The following SAMD12 variants were observed in gnomAD, a reference collection of about 807,000 sequenced individuals.
The protein encoded by SAMD12 is sterile alpha motif domain-containing protein 12.
SAMD12 carries 9 observed loss-of-function variants against 15.0 expected under a neutral mutation model. The observed-to-expected ratio is 0.60, with a 90% CI of 0.36 to 1.05. The LOEUF is 1.05. Among genes scored for constraint, SAMD12 ranks in the 50% least tolerant of loss-of-function variants. The pLI is 0.01. For missense variants in SAMD12, 230 were observed against 234.2 expected (o/e 0.98, Z 0.12); for synonymous variants, 86 against 90.1 (o/e 0.96, Z 0.25).
At chr8:118,368,541 A>G (rs940009911) in intron 4 of SAMD12, among the ~76,000 whole-genome samples, 1 of 152,172 alleles carries the variant, frequency 6.6e-6, no homozygotes, top group East Asian at 1.9e-4. Context: ...TGATGGGTCA[A>G]TAGAAAAAGA....
the SAMD12 span, among the ~76,000 whole-genome samples, chr8:118,172,794 T>C: frequency 6.6e-6 from 1 of 152,240 alleles, no homozygotes; most frequent in South Asian, 2.1e-4. Flanking sequence ...TGACAATTTT[T>C]CTGTATACAA....
At chr8:118,601,088 A>G (rs1322075313) in intron 1 of SAMD12, among the ~76,000 whole-genome samples, 1 of 152,208 alleles carries the variant, frequency 6.6e-6, no homozygotes, top group Non-Finnish European at 1.5e-5. Flanking sequence ...ATACAAAAAG[A>G]AAAAGGCTAG....
chr8:118,223,487 A>G (rs1021440593), intron 4 of SAMD12, among the ~76,000 whole-genome samples: 1 of 152,178 alleles, frequency 6.6e-6, no homozygotes, highest in African/African-American at 2.4e-5. Context: ...GTGGATAGAA[A>G]CAGAACAATT....
At chr8:118,153,408 G>T in the SAMD12 span, among the ~76,000 whole-genome samples, 1 of 151,736 alleles carries the variant, frequency 6.6e-6, no homozygotes, top group African/African-American at 2.4e-5. Flanking sequence ...CAAGGGAAAG[G>T]AAAGTACACT....
chr8:118,485,725 A>G (rs1476800066), intron 2 of SAMD12, among the ~76,000 whole-genome samples: 2 of 152,234 alleles, frequency 1.3e-5, no homozygotes, highest in African/African-American at 2.4e-5. Flanking sequence ...AAGAATAGGG[A>G]ACTAAAAGTA....
downstream of SAMD12, among the ~76,000 whole-genome samples, chr8:118,374,503 G>A (rs59611113): frequency 0.046 from 7,018 of 152,204 alleles, 519 homozygotes; most frequent in African/African-American, 0.16. Flanking sequence ...ACCCAGAAGT[G>A]AGATGGCTGT....
At chr8:118,453,862 TTGG>T (rs1021041554) in intron 2 of SAMD12, among the ~76,000 whole-genome samples, 1 of 152,140 alleles carries the variant, frequency 6.6e-6, no homozygotes, top group Non-Finnish European at 1.5e-5. Flanking sequence ...TCTTGTTTTG[TTGG>T]TATCAATTTT....
At chr8:118,215,129 G>C (rs1388643274) in intron 4 of SAMD12, among the ~76,000 whole-genome samples, 2 of 152,124 alleles carry the variant, frequency 1.3e-5, no homozygotes, top group Non-Finnish European at 2.9e-5. Flanking sequence ...TTAGGCTCTG[G>C]CAATTTTAAT....
chr8:118,212,625 T>C (rs1707777433), intron 4 of SAMD12, among the ~76,000 whole-genome samples: 1 of 152,256 alleles, frequency 6.6e-6, no homozygotes, highest in Admixed American at 6.5e-5. Flanking sequence ...ATACCTCCAA[T>C]GTCAAACATT....
At chr8:118,142,453 A>T in the SAMD12 span, among the ~76,000 whole-genome samples, 3 of 152,128 alleles carry the variant, frequency 2.0e-5, no homozygotes, top group Non-Finnish European at 2.9e-5. Context: ...TCTCCTGTCC[A>T]TCCCTACCAA....
chr8:118,317,205 G>T (rs981854609), intron 4 of SAMD12, among the ~76,000 whole-genome samples: 1 of 152,134 alleles, frequency 6.6e-6, no homozygotes, highest in Non-Finnish European at 1.5e-5. Context: ...ATCAATGTCT[G>T]TTGTTATCCA....
intron 3 of SAMD12, among the ~76,000 whole-genome samples, chr8:118,417,836 C>A (rs191437718): frequency 6.6e-6 from 1 of 152,268 alleles, no homozygotes; most frequent in East Asian, 1.9e-4. Flanking sequence ...CTATCATTAA[C>A]AACAATTTCT....
chr8:118,469,495 A>AT (rs1179616665), intron 2 of SAMD12, among the ~76,000 whole-genome samples: 46 of 34,220 alleles, frequency 1.3e-3, no homozygotes, highest in African/African-American at 3.4e-3. Context: ...TATATTATAT[A>AT]TATATTTTTA....
the SAMD12 span, among the ~76,000 whole-genome samples, chr8:118,147,901 A>AT: frequency 0.24 from 34,909 of 145,924 alleles, 4,761 homozygotes; most frequent in Admixed American, 0.31. Context: ...TCCTTGCTGA[A>AT]TTTTTTTTTT....
At chr8:118,204,469 A>T (rs1819806132) in intron 4 of SAMD12, among the ~76,000 whole-genome samples, 1 of 152,086 alleles carries the variant, frequency 6.6e-6, no homozygotes. Context: ...AGAATCTCCA[A>T]AGAGGCCGGA....
chr8:118,184,802 C>T (rs1819215585), downstream of SAMD12, among the ~76,000 whole-genome samples: 1 of 152,090 alleles, frequency 6.6e-6, no homozygotes, highest in Non-Finnish European at 1.5e-5. Context: ...CTGGCTCCCT[C>T]TTTAAAATAT....
intron 3 of SAMD12, among the ~76,000 whole-genome samples, chr8:118,420,110 T>C (rs1821928781): frequency 6.6e-6 from 1 of 152,172 alleles, no homozygotes; most frequent in African/African-American, 2.4e-5. Context: ...TGCTGCTCAT[T>C]TACCTAGGTC....
At chr8:118,615,525 C>T (rs530714726) in intron 1 of SAMD12, among the ~76,000 whole-genome samples, 1 of 152,288 alleles carries the variant, frequency 6.6e-6, no homozygotes, top group Admixed American at 6.5e-5. Flanking sequence ...CAGAAAGGCA[C>T]CATCTGCTTG....
At chr8:118,517,741 C>A (rs1045234581) in intron 2 of SAMD12, among the ~76,000 whole-genome samples, 1 of 152,094 alleles carries the variant, frequency 6.6e-6, no homozygotes, top group Non-Finnish European at 1.5e-5. Flanking sequence ...CAAGATCGAC[C>A]AGCATTTTTT....
Sources: allele counts gnomAD v4.1 joint callset (sites outside exome capture counted in the v4.1 genomes callset), GRCh38; gene constraint gnomAD v4.1.1; transcripts MANE v1.5; gene names NCBI Gene and HGNC (gene_info 2026-07-23, HGNC 2026-07-21).